The following AMZ1 variants were observed in gnomAD, a reference collection of about 807,000 sequenced individuals.
AMZ1 encodes archaelysin family metallopeptidase 1.
In AMZ1, 39 loss-of-function variants were observed where a neutral mutation model predicts 29.9. That is an observed-to-expected ratio of 1.30 (90% CI 1.01 to 1.70). The LOEUF (loss-of-function observed/expected upper bound fraction) is 1.70. Among genes scored for constraint, AMZ1 ranks in the 40% most tolerant of loss-of-function variants. AMZ1 has a pLI of 0.00. For missense variants in AMZ1, 1,041 were observed against 680.6 expected, an observed-to-expected ratio of 1.53 and a Z score of -5.89; for synonymous variants, 458 against 304.0, an observed-to-expected ratio of 1.51 and a Z score of -5.27.
At chr7:2,762,439 C>T (rs1328530037), upstream of AMZ1, 3 of 506,512 alleles carry the variant, frequency 5.9e-6, no homozygotes, top group African/African-American at 4.0e-5. Flanking sequence ...AGGGCAAAAA[C>T]GCTACTTAAC....
chr7:2,739,177 G>T (rs1562396420), intron 4 of AMZ1, among the ~76,000 whole-genome samples: 1 of 152,234 alleles, frequency 6.6e-6, no homozygotes. Flanking sequence ...CATTAGGTAA[G>T]ATCTACATAA....
intron 4 of AMZ1, among the ~76,000 whole-genome samples, chr7:2,738,617 C>A (rs1251645409): frequency 5.3e-5 from 8 of 151,934 alleles, no homozygotes; most frequent in Admixed American, 5.3e-4. Flanking sequence ...AAAATGACTT[C>A]TAGGGAGGGA....
chr7:2,742,843 G>C (rs1286196183), intron 4 of AMZ1, among the ~76,000 whole-genome samples: 1 of 152,186 alleles, frequency 6.6e-6, no homozygotes, highest in African/African-American at 2.4e-5. Context: ...TTTGTTGCTA[G>C]TGAATAGAAA....
chr7:2,710,891 G>T (rs775103224), intron 6 of AMZ1, among the ~76,000 whole-genome samples: 6 of 152,232 alleles, frequency 3.9e-5, no homozygotes, highest in Admixed American at 3.9e-4. Flanking sequence ...GCTGTGCCCC[G>T]TCAAGGGGCA....
rs183977842 is a variant in AMZ1, at chr7:2,709,589, G to T, written c.772-51G>T. ...TGCTGGGGCTGCCTGGGGATCTGCC[G>T]GATGCAGGGGCAAGGCAGTGAGGCA... On this transcript the variant is annotated intron_variant, in intron 5 of 6. Transcript: ENST00000683327. The T allele has an allele frequency of 3.0e-5, 48 of 1,575,510 alleles. No homozygotes were observed. In the African/African-American group the frequency reaches 5.8e-4, roughly 19 times the overall value.
downstream of AMZ1, among the ~76,000 whole-genome samples, chr7:2,723,669 T>C (rs1180712897): frequency 6.6e-6 from 1 of 152,106 alleles, no homozygotes; most frequent in Non-Finnish European, 1.5e-5. Context: ...CAGATCAGCT[T>C]TCCCCACAGC....
At chr7:2,745,331 C>A (rs1049856771) in intron 4 of AMZ1, among the ~76,000 whole-genome samples, 1 of 152,244 alleles carries the variant, frequency 6.6e-6, no homozygotes, top group South Asian at 2.1e-4. Context: ...TTGGCAGAAA[C>A]TCTGCAAGCC....
chr7:2,711,673 T>C (rs1788788111), intron 6 of AMZ1, among the ~76,000 whole-genome samples: 1 of 152,186 alleles, frequency 6.6e-6, no homozygotes, highest in Non-Finnish European at 1.5e-5. Flanking sequence ...CTCCTGCCTC[T>C]GCCTCCCTGT....
intron 1 of AMZ1, among the ~76,000 whole-genome samples, chr7:2,691,735 A>AAAAAAAAT (rs1484862068): frequency 6.6e-6 from 1 of 151,292 alleles, no homozygotes; most frequent in African/African-American, 2.4e-5. Flanking sequence ...CGTCTCAAAA[A>AAAAAAAAT]AAAAAAAAAA....
At chr7:2,689,869 C>G (rs1562355858) in intron 1 of AMZ1, among the ~76,000 whole-genome samples, 1 of 152,290 alleles carries the variant, frequency 6.6e-6, no homozygotes, top group Non-Finnish European at 1.5e-5. Flanking sequence ...CTGACCCCCA[C>G]TAAGGCGGCT....
rs116807682 is a variant in AMZ1 at position 2,740,278 on chromosome 7, C to A, written n.551-24434C>A. On this transcript the variant is annotated intron_variant and non_coding_transcript_variant, in intron 4 of 4. Transcript: ENST00000489665. ...CCAGAATTCCCATGTGGAAGCCCTA[C>A]CTGCAGTGTGATGGTATTTGGAGAT... 5.3e-3 allele frequency among the ~76,000 whole-genome samples: 807 copies of A among 152,234 alleles called. 8 individuals carry two copies. Among genetic ancestry groups the A allele is most frequent in the African/African-American group, 0.018 (749 of 41,528 alleles).
intron 1 of AMZ1, among the ~76,000 whole-genome samples, 188 bp from the exon 2 acceptor site, chr7:2,700,046 G>C (rs998693793): frequency 6.6e-6 from 1 of 151,388 alleles, no homozygotes; most frequent in Non-Finnish European, 1.5e-5. Context: ...AGATGAAGTG[G>C]TTGAATGTGT....
At position 2,712,799 on chromosome 7, in the gene AMZ1, C is replaced by T. The variant is rs773580561; in HGVS notation, c.1418C>T (p.Ser473Phe). Reference protein sequence around the residue: ...LRKVLGDKFSSLRRKLSARKL... With the variant: ...LRKVLGDKFSFLRRKLSARKL... ...AAGGTGCTGGGGGACAAGTTCTCCT[C>T]CCTGAGGAGGAAGCTGAGTGCCCGA... Residue 473 changes from serine to phenylalanine, a missense_variant, in exon 7 of 7, where the codon TCC (serine) becomes TTC (phenylalanine). Coordinates refer to ENST00000683327, the MANE Select transcript of AMZ1 (RefSeq NM_001384743.1). 5 of 1,549,494 alleles carry T rather than the reference C, an allele frequency of 3.2e-6. No homozygotes were observed. The highest frequency in any genetic ancestry group is 1.4e-5 in the African/African-American group (1 of 73,200).
rs895389831 is a variant in AMZ1 at position 2,748,355 on chromosome 7, G to A, written n.551-16357G>A. 1.1e-3 allele frequency among the ~76,000 whole-genome samples: 162 copies of A among 152,158 alleles called. 2 individuals are homozygous for A. Among genetic ancestry groups the A allele is most frequent in the Admixed American group, 0.01 (157 of 15,266 alleles). On this transcript the variant is annotated intron_variant and non_coding_transcript_variant, in intron 4 of 4. Transcript: ENST00000489665. ...GAACAGAGCCCTCAGAAATAATGCT[G>A]CATATCTACAACTATCTGATCTTTG...
upstream of AMZ1, chr7:2,760,386 A>G (rs1343952441): frequency 1.3e-5 from 2 of 152,544 alleles, no homozygotes; most frequent in East Asian, 3.8e-4. Flanking sequence ...GAACTGGCTC[A>G]CTGCCAATCA....
intron 4 of AMZ1, among the ~76,000 whole-genome samples, chr7:2,725,270 C>T (rs1398751666): frequency 2.0e-5 from 3 of 152,166 alleles, no homozygotes; most frequent in East Asian, 1.9e-4. Context: ...CCATGGCCTG[C>T]GGTAGGCAGA....
chr7:2,721,489 G>A (rs1365683445), downstream of AMZ1, among the ~76,000 whole-genome samples: 1 of 152,124 alleles, frequency 6.6e-6, no homozygotes, highest in Non-Finnish European at 1.5e-5. Flanking sequence ...GGCTGAGGTG[G>A]GTGGATCACG....
At chr7:2,728,992 C>T (rs12484) in intron 4 of AMZ1, 70,826 of 152,340 alleles carry the variant, frequency 0.46, 17,232 homozygotes, top group African/African-American at 0.6. Context: ...TCTCCTTCCT[C>T]TCATGCTTCT....
chr7:2,726,324 T>A (rs982557247), intron 4 of AMZ1, among the ~76,000 whole-genome samples: 35 of 152,226 alleles, frequency 2.3e-4, no homozygotes, highest in Non-Finnish European at 3.2e-4. Context: ...CCTCACCACA[T>A]TAAACATGGA....
Sources: gnomAD v4.1 joint callset for allele counts (sites outside exome capture counted in the v4.1 genomes callset) on GRCh38, gnomAD v4.1.1 for gene constraint, MANE v1.5 for transcripts, NCBI Gene and HGNC (gene_info 2026-07-23, HGNC 2026-07-21) for gene names.